Variants in WDR41 observed in about 807,000 individuals in gnomAD.
The protein encoded by WDR41 is WD repeat-containing protein 41.
WDR41 carries 63 observed loss-of-function variants against 69.3 expected under a neutral mutation model. The ratio of observed to expected loss-of-function variants is 0.91; its 90% CI spans 0.74 to 1.12. The LOEUF (loss-of-function observed/expected upper bound fraction) is 1.12, where lower values mean the gene tolerates loss of function less well. Ranked by LOEUF, WDR41 falls within the 50% of genes most tolerant of loss-of-function variation. The probability of loss-of-function intolerance (pLI) is 0.00; values close to 1 mark genes in which losing one functional copy is unlikely to be tolerated. For synonymous variants in WDR41, 185 were observed against 192.1 expected (o/e 0.96, Z 0.31); for missense variants, 543 against 534.5 (o/e 1.02, Z -0.16).
chr5:77,474,422 A>C (rs1280993463), intron 2 of WDR41, among the ~76,000 whole-genome samples: 1 of 150,422 alleles, frequency 6.6e-6, no homozygotes, highest in Non-Finnish European at 1.5e-5. Context: ...TGTACCCTAA[A>C]ACTTAAAGTA....
In WDR41 at chr5:77,471,778, ATAAT is replaced by A. The variant is rs1285283465; in HGVS notation, c.168-6973_168-6970del. Among the ~76,000 whole-genome samples the A allele has an allele frequency of 2.0e-5, 3 of 152,186 alleles. No individual in the cohort carries two copies. In the East Asian group the frequency reaches 5.8e-4, roughly 29 times the overall value. Reference sequence around the variant, plus strand: ...AATAACAGGATCTGAAATTGACGCAATAATTAATAGCTTACCAACCAAAAAAAAA... The same window carrying A: ...AATAACAGGATCTGAAATTGACGCAATAATAGCTTACCAACCAAAAAAAAA... On this transcript the variant is annotated intron_variant, in intron 2 of 12. Transcript: ENST00000296679.
chr5:77,433,587 ATTAC>A (rs1798813272), intron 12 of WDR41, among the ~76,000 whole-genome samples: 1 of 152,202 alleles, frequency 6.6e-6, no homozygotes. Flanking sequence ...TTACTTAACC[ATTAC>A]TTATACTGTA....
Position 77,594,442 on chromosome 5 carries a change from A to G in WDR41, c.42+26037T>C, listed in dbSNP as rs187306847. 5.1e-3 allele frequency among the ~76,000 whole-genome samples: 779 copies of G among 152,166 alleles called. 6 individuals are homozygous for G. Among genetic ancestry groups the G allele is most frequent in the Non-Finnish European group, 7.5e-3 (507 of 67,984 alleles). ...AAAATGTATATATAAAAAATAAAAA[A>G]GAAATAAAAAAAGAAAATAAATAAT... On this transcript the variant is annotated intron_variant, in intron 1 of 5. Coordinates refer to the WDR41 transcript ENST00000509971.
chr5:77,493,896 C>G (rs1262501312), upstream of WDR41, among the ~76,000 whole-genome samples: 1 of 152,178 alleles, frequency 6.6e-6, no homozygotes, highest in Non-Finnish European at 1.5e-5. Flanking sequence ...TCTGCTGATG[C>G]TTTAAAGCAC....
chr5:77,572,995 C>G (rs1743759399), intron 1 of WDR41, among the ~76,000 whole-genome samples: 1 of 152,170 alleles, frequency 6.6e-6, no homozygotes, highest in South Asian at 2.1e-4. Flanking sequence ...TCTCCCTCTC[C>G]TAGCATACCA....
intron 1 of WDR41, among the ~76,000 whole-genome samples, chr5:77,512,229 G>T (rs372321830): frequency 5.8e-4 from 88 of 152,132 alleles, no homozygotes; most frequent in African/African-American, 2.0e-3. Context: ...AATATAATTG[G>T]CATAGGGAGC....
At chr5:77,564,373 T>A (rs991737435) in intron 1 of WDR41, among the ~76,000 whole-genome samples, 2 of 152,154 alleles carry the variant, frequency 1.3e-5, no homozygotes, top group Admixed American at 6.6e-5. Context: ...AGGCAACATA[T>A]TAAGACTCTG....
intron 1 of WDR41, among the ~76,000 whole-genome samples, chr5:77,575,046 G>A (rs1297868359): frequency 6.6e-6 from 1 of 151,828 alleles, no homozygotes; most frequent in African/African-American, 2.4e-5. Context: ...AATGCATTCA[G>A]AAAATTTAAA....
intron 3 of WDR41, among the ~76,000 whole-genome samples, chr5:77,464,274 CTTTTTTT>C (rs71606297): frequency 1.1e-5 from 1 of 94,204 alleles, no homozygotes; most frequent in Non-Finnish European, 2.0e-5. Flanking sequence ...TAGGAAAAAA[CTTTTTTT>C]TTTTTTTTTT....
chr5:77,451,260 A>C (rs1561736554), intron 7 of WDR41, 31 bp downstream of exon 7: 1 of 1,609,122 alleles, frequency 6.2e-7, no homozygotes, highest in South Asian at 1.1e-5. Flanking sequence ...TCTCGTTCAA[A>C]ATACACAAAA....
chr5:77,550,677 G>A (rs1040908025), intron 1 of WDR41, among the ~76,000 whole-genome samples: 1 of 152,180 alleles, frequency 6.6e-6, no homozygotes, highest in Non-Finnish European at 1.5e-5. Context: ...GCAGTTTGGA[G>A]ATTTCACATA....
At chr5:77,605,457 T>C (rs1744397608) in intron 1 of WDR41, among the ~76,000 whole-genome samples, 1 of 152,224 alleles carries the variant, frequency 6.6e-6, no homozygotes, top group African/African-American at 2.4e-5. Context: ...AGTTGCCCAA[T>C]ATCAAATCCT....
intron 6 of WDR41, among the ~76,000 whole-genome samples, chr5:77,453,325 C>T (rs1799696432): frequency 6.6e-6 from 1 of 152,056 alleles, no homozygotes; most frequent in Non-Finnish European, 1.5e-5. Flanking sequence ...TTTTTAAGAT[C>T]CTTGGTATCA....
At chr5:77,539,337 T>C (rs1362353371) in intron 1 of WDR41, among the ~76,000 whole-genome samples, 1 of 152,212 alleles carries the variant, frequency 6.6e-6, no homozygotes, top group Non-Finnish European at 1.5e-5. Context: ...CTAATCAAGT[T>C]AATCTGCCTT....
In WDR41 at chr5:77,436,532, CTAGG is replaced by C. The variant is rs550061562; in HGVS notation, c.1094-142_1094-139del. 8.1e-3 allele frequency: 8,308 copies of C among 1,023,166 alleles called. 53 individuals are homozygous for C. The highest frequency in any genetic ancestry group is 0.01 in the Non-Finnish European group (7,332 of 714,642). 63.4% of individuals were successfully genotyped at this position (1,023,166 alleles called of 1,614,324 possible). On this transcript the variant is annotated intron_variant, in intron 11 of 12. Transcript: ENST00000296679. ...AAGTGGACAGTACCTGAGCACCGTG[CTAGG>C]GTTTTGTGAATATGTTATTTCATCT...
chr5:77,570,021 C>T (rs553952547), intron 1 of WDR41, among the ~76,000 whole-genome samples: 39 of 152,194 alleles, frequency 2.6e-4, no homozygotes, highest in African/African-American at 7.9e-4. Flanking sequence ...TAGTCATGTA[C>T]GTCAAGACAA....
At chr5:77,507,600 T>A (rs575219353) in intron 1 of WDR41, among the ~76,000 whole-genome samples, 34 of 152,218 alleles carry the variant, frequency 2.2e-4, no homozygotes, top group Non-Finnish European at 4.0e-4. Context: ...GATATAAGTA[T>A]AACAGATTTT....
At chr5:77,462,881 C>T (rs434515) in intron 4 of WDR41, among the ~76,000 whole-genome samples, 87,058 of 152,032 alleles carry the variant, frequency 0.57, 26,965 homozygotes, top group African/African-American at 0.81. Flanking sequence ...GCAATAGTCA[C>T]GGAGTTTCCA....
chr5:77,544,016 A>C (rs1452013284), intron 1 of WDR41, among the ~76,000 whole-genome samples: 1 of 152,156 alleles, frequency 6.6e-6, no homozygotes, highest in Non-Finnish European at 1.5e-5. Flanking sequence ...CTCCTCAAAC[A>C]AAACAACAGC....
Sources: allele counts gnomAD v4.1 joint callset (sites outside exome capture counted in the v4.1 genomes callset), GRCh38; gene constraint gnomAD v4.1.1; transcripts MANE v1.5; gene names NCBI Gene and HGNC (gene_info 2026-07-23, HGNC 2026-07-21).